Variants in ASAP2 observed in about 807,000 individuals in gnomAD.
ASAP2 encodes ArfGAP with SH3 domain, ankyrin repeat and PH domain 2.
ASAP2 carries 45 observed loss-of-function variants against 131.4 expected under a neutral mutation model. The observed-to-expected ratio is 0.34, with a 90% confidence interval of 0.27 to 0.44. ASAP2 has a LOEUF of 0.44. Among genes scored for constraint, ASAP2 ranks in the 20% least tolerant of loss-of-function variants. ASAP2 has a pLI of 1.00. For synonymous variants in ASAP2, 510 were observed against 503.0 expected, an observed-to-expected ratio of 1.01 and a Z score of -0.19; for missense variants, 1,011 against 1,297.0, an observed-to-expected ratio of 0.78 and a Z score of 3.39.
intron 2 of ASAP2, among the ~76,000 whole-genome samples, chr2:9,293,079 T>G (rs1470627738): frequency 6.6e-6 from 1 of 152,228 alleles, no homozygotes; most frequent in Non-Finnish European, 1.5e-5. Flanking sequence ...CTGGGCCTTC[T>G]CCTTGATACC....
intron 21 of ASAP2, among the ~76,000 whole-genome samples, chr2:9,387,207 C>T (rs1675344594): frequency 2.2e-5 from 2 of 89,178 alleles, no homozygotes; most frequent in Admixed American, 1.9e-4. Context: ...GAGAGAGACT[C>T]TGTCTCAAAA....
intron 1 of ASAP2, among the ~76,000 whole-genome samples, chr2:9,251,826 A>T (rs1180051426): frequency 1.3e-5 from 2 of 152,072 alleles, no homozygotes; most frequent in Non-Finnish European, 2.9e-5. Flanking sequence ...GGAAGACTGA[A>T]TGTGAGTTTT....
intron 1 of ASAP2, among the ~76,000 whole-genome samples, chr2:9,261,576 A>G (rs1665575862): frequency 2.0e-5 from 3 of 152,216 alleles, no homozygotes; most frequent in South Asian, 2.1e-4. Flanking sequence ...ACTTAAAAGT[A>G]TTTATCTCAA....
intron 1 of ASAP2, among the ~76,000 whole-genome samples, chr2:9,220,037 C>CT (rs759142444): frequency 1.8e-4 from 28 of 152,206 alleles, no homozygotes; most frequent in Non-Finnish European, 3.2e-4. Context: ...TGGATTTGTA[C>CT]TTTATTTCTT....
At position 9,392,320 on chromosome 2, in the gene ASAP2, G is replaced by C. The variant is rs1293351481; in HGVS notation, c.2518+1124G>C. On this transcript the variant is annotated intron_variant, in intron 23 of 27. Coordinates refer to ENST00000281419, the MANE Select transcript of ASAP2 (RefSeq NM_003887.3). The surrounding 1 kb of genome is among the most constrained non-coding windows in gnomAD (Gnocchi z 4.0). ...CCTGGATGCTGCCCTGTCTCCTGCT[G>C]CAGCAGCCCTGGAGTGGGGAGTCCA... is the stretch of plus-strand genomic sequence containing the variant. 6.6e-6 allele frequency among the ~76,000 whole-genome samples: 1 copy of C among 152,242 alleles called. No individual in the cohort carries two copies. Among genetic ancestry groups the C allele is most frequent in the African/African-American group, 2.4e-5 (1 of 41,466 alleles).
In ASAP2 at chr2:9,360,885, C is replaced by T. The variant is rs796091064; in HGVS notation, c.1461+1996C>T. 1.3e-4 allele frequency among the ~76,000 whole-genome samples: 20 copies of T among 152,252 alleles called. 1 individual carries two copies. The highest frequency in any genetic ancestry group is 4.6e-4 in the African/African-American group (19 of 41,552). On this transcript the variant is annotated intron_variant, in intron 15 of 27. Coordinates refer to ENST00000281419, the MANE Select transcript of ASAP2 (RefSeq NM_003887.3). ...AAATTCCTGAAATTTTAACAGTTGA[C>T]TCATATGAGCTGGTAGGAGCCCGAC...
chr2:9,388,619 C>G (rs1675484481), intron 22 of ASAP2, 73 bp downstream of exon 22: 1 of 1,546,878 alleles, frequency 6.5e-7, no homozygotes, highest in Non-Finnish European at 8.7e-7. Flanking sequence ...TTGCAGCTGC[C>G]CTGCCTCCAA....
chr2:9,355,578 G>T (rs1273618391), intron 12 of ASAP2, among the ~76,000 whole-genome samples: 1 of 152,140 alleles, frequency 6.6e-6, no homozygotes, highest in Non-Finnish European at 1.5e-5. Context: ...CACTCCTCTT[G>T]ATTTAGCTAC....
intron 9 of ASAP2, among the ~76,000 whole-genome samples, chr2:9,342,377 T>C (rs2148594643): frequency 6.6e-6 from 1 of 152,378 alleles, no homozygotes; most frequent in Middle Eastern, 3.4e-3. Context: ...AGAGATGATT[T>C]ATTTTTAACA....
At position 9,402,234 on chromosome 2, in the gene ASAP2, CCA is replaced by C. The variant is rs201763614; in HGVS notation, c.2946+839_2946+840del. 2.2e-3 allele frequency among the ~76,000 whole-genome samples: 339 copies of C among 152,364 alleles called. 1 individual carries two copies. The highest frequency in any genetic ancestry group is 7.6e-3 in the African/African-American group (317 of 41,584). ...TGTTTAAACTGCATGTCTTCAGCCTCCAGAGGCGCTGTGAGCTCTCAGGGCCA... is the reference window on the plus strand; with the variant it reads ...TGTTTAAACTGCATGTCTTCAGCCTCGAGGCGCTGTGAGCTCTCAGGGCCA... On this transcript the variant is annotated intron_variant, in intron 27 of 27. Coordinates refer to ENST00000281419, the MANE Select transcript of ASAP2 (RefSeq NM_003887.3).
intron 3 of ASAP2, among the ~76,000 whole-genome samples, chr2:9,313,738 A>G (rs1182601446): frequency 6.6e-6 from 1 of 151,084 alleles, no homozygotes; most frequent in Non-Finnish European, 1.5e-5. Flanking sequence ...GTGGGCAGTG[A>G]GCATCTCAGG....
rs116106999 is a variant in ASAP2, at chr2:9,301,414, A to G, written c.345+3969A>G. The stretch of plus-strand genomic sequence containing the variant: ...AACCAGACGGCTCCAGAAATGTGAC[A>G]TGTGTGAAATTAAAGTGCTTATGAA... On this transcript the variant is annotated intron_variant, in intron 3 of 27. Coordinates refer to ENST00000281419, the MANE Select transcript of ASAP2 (RefSeq NM_003887.3). Among the ~76,000 whole-genome samples the G allele has an allele frequency of 9.9e-3, 1,502 of 152,284 alleles. 15 individuals carry two copies. The highest frequency in any genetic ancestry group is 0.015 in the Non-Finnish European group (1,019 of 68,012).
At chr2:9,367,630 G>A (rs1003911030) in intron 15 of ASAP2, among the ~76,000 whole-genome samples, 14 of 151,998 alleles carry the variant, frequency 9.2e-5, no homozygotes, top group African/African-American at 1.4e-4. Flanking sequence ...GCGTGGTGGC[G>A]TGTGCCTATA....
At chr2:9,242,226 G>A (rs564655422) in intron 1 of ASAP2, among the ~76,000 whole-genome samples, 17 of 152,276 alleles carry the variant, frequency 1.1e-4, no homozygotes, top group South Asian at 8.3e-4. Flanking sequence ...ATGCTTTGGC[G>A]GTTTACAGAT....
At chr2:9,258,816 G>GCT (rs368364738) in intron 1 of ASAP2, among the ~76,000 whole-genome samples, 1 of 152,190 alleles carries the variant, frequency 6.6e-6, no homozygotes, top group African/African-American at 2.4e-5. Flanking sequence ...TATTTCTCTC[G>GCT]CTCTCTCTCC....
At chr2:9,362,441 A>G (rs983709470) in intron 15 of ASAP2, among the ~76,000 whole-genome samples, 2 of 152,212 alleles carry the variant, frequency 1.3e-5, no homozygotes, top group African/African-American at 4.8e-5. Context: ...ATAGTGTACA[A>G]CATGATGTTT....
At chr2:9,266,244 T>C (rs1665940671) in intron 1 of ASAP2, among the ~76,000 whole-genome samples, 1 of 148,362 alleles carries the variant, frequency 6.7e-6, no homozygotes, top group Non-Finnish European at 1.5e-5. Context: ...CTTCCCAGAC[T>C]CAAGTGATCC....
Position 9,395,594 on chromosome 2 carries a change from C to CTTTTT in ASAP2, c.2684+1974_2684+1978dup. ...GTTTTGTTTTTCTTGTGTTTTTTTTCTTTTTTTTTTTTTTTTTTTTTTTTT... is the reference window on the plus strand; with the variant it reads ...GTTTTGTTTTTCTTGTGTTTTTTTTCTTTTTTTTTTTTTTTTTTTTTTTTTTTTTT... On this transcript the variant is annotated intron_variant, in intron 24 of 27. Transcript: ENST00000281419. Among the ~76,000 whole-genome samples the CTTTTT allele has an allele frequency of 3.8e-3, 227 of 59,072 alleles. 15 individuals are homozygous for CTTTTT. The highest frequency in any genetic ancestry group is 6.3e-3 in the Non-Finnish European group (172 of 27,468). The allele number at this position is 59,072 out of a possible 152,430, so 38.8% of individuals were successfully genotyped here.
chr2:9,257,307 A>G (rs1030198783), intron 1 of ASAP2, among the ~76,000 whole-genome samples: 3 of 152,206 alleles, frequency 2.0e-5, no homozygotes, highest in African/African-American at 7.2e-5. Context: ...ACTGTTTTAT[A>G]GTAGTCTCAA....
Sources: gnomAD v4.1 joint callset for allele counts (sites outside exome capture counted in the v4.1 genomes callset) on GRCh38, gnomAD v4.1.1 for gene constraint, Gnocchi (gnomAD v3.1) non-coding constraint, MANE v1.5 for transcripts, NCBI Gene and HGNC (gene_info 2026-07-23, HGNC 2026-07-21) for gene names.